IL1RAPL2: variants seen among roughly 807,000 people sequenced by gnomAD.
IL1RAPL2 encodes X-linked interleukin-1 receptor accessory protein-like 2.
Under a neutral mutation model 44.1 loss-of-function variants are expected in IL1RAPL2, and 3 were observed. The ratio of observed to expected loss-of-function variants is 0.07; its 90% CI spans 0.03 to 0.18. The LOEUF is 0.18. Among genes scored for constraint, IL1RAPL2 ranks in the 10% least tolerant of loss-of-function variants. The probability of loss-of-function intolerance (pLI) is 1.00; values close to 1 mark genes in which losing one functional copy is unlikely to be tolerated. For synonymous variants in IL1RAPL2, 181 were observed against 178.8 expected, an observed-to-expected ratio of 1.01 and a Z score of -0.10; for missense variants, 391 against 496.4, an observed-to-expected ratio of 0.79 and a Z score of 2.02.
At chrX:105,366,295 T>A (rs979082195) in intron 5 of IL1RAPL2, among the ~76,000 whole-genome samples, 46 of 111,236 alleles carry the variant, frequency 4.1e-4, no homozygotes, top group African/African-American at 1.5e-3. Flanking sequence ...TATGTCAGTT[T>A]TGTTTATCTT....
intron 2 of IL1RAPL2, among the ~76,000 whole-genome samples, chrX:104,803,305 C>T (rs1253145766): frequency 2.7e-5 from 3 of 111,913 alleles, no homozygotes; most frequent in Non-Finnish European, 5.6e-5. Flanking sequence ...GTGAATACAA[C>T]CACCTTCATA....
At chrX:105,036,968 T>C (rs963684277) in intron 2 of IL1RAPL2, among the ~76,000 whole-genome samples, 2 of 111,976 alleles carry the variant, frequency 1.8e-5, no homozygotes, top group African/African-American at 3.2e-5. Flanking sequence ...AACTCTATCT[T>C]AGCTGACAAG....
chrX:104,730,379 C>A (rs1427633591), intron 2 of IL1RAPL2, among the ~76,000 whole-genome samples: 2 of 72,777 alleles, frequency 2.7e-5, no homozygotes, highest in South Asian at 7.2e-4. Context: ...CCCTCCCCCC[C>A]ACCCCAGAAC....
At chrX:105,373,756 A>C (rs1050035173) in intron 5 of IL1RAPL2, among the ~76,000 whole-genome samples, 1 of 110,924 alleles carries the variant, frequency 9.0e-6, no homozygotes, top group Non-Finnish European at 1.9e-5. Flanking sequence ...TTATCCCAGC[A>C]CCATTTGTCA....
intron 5 of IL1RAPL2, among the ~76,000 whole-genome samples, chrX:105,482,382 A>G (rs1404309548): frequency 8.9e-6 from 1 of 112,066 alleles, no homozygotes; most frequent in Non-Finnish European, 1.9e-5. Context: ...TGAAATGAAG[A>G]CTAGACATTA....
At chrX:104,616,088 A>T (rs1195058793) in intron 1 of IL1RAPL2, among the ~76,000 whole-genome samples, 2 of 112,270 alleles carry the variant, frequency 1.8e-5, no homozygotes, top group Non-Finnish European at 3.8e-5. Flanking sequence ...TTTTAAAAAA[A>T]TTTGTTTAAG....
chrX:104,720,178 A>T (rs754105268), intron 2 of IL1RAPL2, among the ~76,000 whole-genome samples: 1 of 111,334 alleles, frequency 9.0e-6, no homozygotes, highest in Non-Finnish European at 1.9e-5. Flanking sequence ...GAGTTGAAGA[A>T]TGTCCAGATA....
Position 105,300,985 on chromosome X carries a change from T to G in IL1RAPL2, c.697+33444T>G, listed in dbSNP as rs185534706. ...GAATAAAAATTTGGTAATATAAGTTTGGAGACATGCTTAGAAAAGAATTCA... is the reference window on the plus strand; with the variant it reads ...GAATAAAAATTTGGTAATATAAGTTGGGAGACATGCTTAGAAAAGAATTCA... On this transcript the variant is annotated intron_variant, in intron 5 of 10. Transcript: ENST00000372582. 1.5e-4 allele frequency among the ~76,000 whole-genome samples: 17 copies of G among 111,925 alleles called. No individual in the cohort carries two copies. In the East Asian group the frequency reaches 4.8e-3, roughly 32 times the overall value.
In IL1RAPL2 at chrX:104,714,127, G is replaced by T. The variant is rs1470179541; in HGVS notation, c.82+55132G>T. On this transcript the variant is annotated intron_variant, in intron 2 of 10. Transcript: ENST00000372582. ...CTTTATTTCTTTCTCTTGCCTGACT[G>T]CCCTGGCCAGAACTTCCAATACTAT... Among the ~76,000 whole-genome samples the T allele has an allele frequency of 3.6e-5, 4 of 110,474 alleles. No homozygotes were observed. In the East Asian group the frequency reaches 1.2e-3, roughly 32 times the overall value.
rs187900194 is a variant in IL1RAPL2 at position 105,212,997 on chromosome X, C to T, written c.356+17249C>T. The stretch of plus-strand genomic sequence containing the variant: ...AAAGTTATCAACCTCAAAGATTAAA[C>T]GTGGATAAATCCACAGAGATGAGGA... On this transcript the variant is annotated intron_variant, in intron 3 of 10. Coordinates refer to ENST00000372582, the MANE Select transcript of IL1RAPL2 (RefSeq NM_017416.2). Among the ~76,000 whole-genome samples, 22 of 111,818 alleles carry T rather than the reference C, an allele frequency of 2.0e-4. No homozygotes were observed. The Admixed American group carries it at 2.0e-3, about 10-fold the overall frequency.
intron 2 of IL1RAPL2, among the ~76,000 whole-genome samples, chrX:104,694,886 G>A (rs988755145): frequency 8.9e-6 from 1 of 112,000 alleles, no homozygotes; most frequent in African/African-American, 3.2e-5. Context: ...ATTCTGCCAC[G>A]CAGTGACCAT....
chrX:105,076,799 G>A (rs1410246320), intron 2 of IL1RAPL2, among the ~76,000 whole-genome samples: 1 of 111,144 alleles, frequency 9.0e-6, no homozygotes, highest in Non-Finnish European at 1.9e-5. Context: ...ATTATGTAAT[G>A]GCCTTCTTTG....
intron 2 of IL1RAPL2, among the ~76,000 whole-genome samples, chrX:105,069,204 T>G (rs1422505953): frequency 8.9e-6 from 1 of 112,727 alleles, no homozygotes; most frequent in Non-Finnish European, 1.9e-5. Context: ...AACCACAGAG[T>G]GGGCAGTGGC....
chrX:104,765,040 G>T (rs1932532668), intron 2 of IL1RAPL2, among the ~76,000 whole-genome samples: 1 of 111,761 alleles, frequency 8.9e-6, no homozygotes, highest in African/African-American at 3.3e-5. Context: ...TCTGGTTTTG[G>T]TATCAGGGTA....
At chrX:104,807,111 A>G (rs917621810) in intron 2 of IL1RAPL2, among the ~76,000 whole-genome samples, 6 of 111,085 alleles carry the variant, frequency 5.4e-5, no homozygotes, top group Middle Eastern at 4.6e-3. Context: ...GGTTTCTGCA[A>G]ATTTCCTTGG....
intron 2 of IL1RAPL2, among the ~76,000 whole-genome samples, chrX:105,140,142 C>T (rs2033113679): frequency 8.9e-6 from 1 of 112,433 alleles, no homozygotes; most frequent in African/African-American, 3.2e-5. Flanking sequence ...GAGTGAAAAA[C>T]ACTGTAGCAG....
At chrX:105,427,584 C>G (rs2035819622) in intron 5 of IL1RAPL2, among the ~76,000 whole-genome samples, 1 of 112,117 alleles carries the variant, frequency 8.9e-6, no homozygotes, top group South Asian at 3.6e-4. Context: ...TAGCACCAAT[C>G]CTTGTGTTTA....
chrX:105,190,442 T>G lies in IL1RAPL2; in HGVS notation c.83-5033T>G, dbSNP rs1318440811. Among the ~76,000 whole-genome samples, 4 of 112,564 alleles carry G rather than the reference T, an allele frequency of 3.6e-5. No individual in the cohort carries two copies. In the East Asian group the frequency reaches 1.1e-3, roughly 31 times the overall value. On this transcript the variant is annotated intron_variant, in intron 2 of 10. Transcript: ENST00000372582. ...ACTTGGACAGCTCGCCCTCTAGTGG[T>G]AATTTTATGAATTGCCCCCCAACAA...
chrX:105,274,353 T>C (rs970674802), intron 5 of IL1RAPL2, among the ~76,000 whole-genome samples: 1 of 112,175 alleles, frequency 8.9e-6, no homozygotes, highest in African/African-American at 3.2e-5. Flanking sequence ...ACATGGTAAA[T>C]TGTTACTGAA....
Sources: gnomAD v4.1 joint callset for allele counts (sites outside exome capture counted in the v4.1 genomes callset) on GRCh38, gnomAD v4.1.1 for gene constraint, MANE v1.5 for transcripts, NCBI Gene and HGNC (gene_info 2026-07-23, HGNC 2026-07-21) for gene names.